DPH6: variants seen among roughly 807,000 people sequenced by gnomAD.
DPH6 encodes the protein diphthine--ammonia ligase.
In DPH6, 33 loss-of-function variants were observed where a neutral mutation model predicts 38.2. The ratio of observed to expected loss-of-function variants is 0.86; its 90% CI spans 0.65 to 1.15. The LOEUF is 1.15. DPH6 is among the 50% of genes most tolerant of loss of function. The pLI is 0.00. For synonymous variants in DPH6, 108 were observed against 103.0 expected (o/e 1.05, Z -0.30); for missense variants, 325 against 320.0 (o/e 1.02, Z -0.12).
chr15:35,232,264 T>C (rs938564487), intron 3 of DPH6, among the ~76,000 whole-genome samples: 4 of 152,154 alleles, frequency 2.6e-5, no homozygotes, highest in Non-Finnish European at 5.9e-5. Flanking sequence ...TCACTAATAA[T>C]TGACACAGAA....
At chr15:35,230,990 G>A (rs1315480675) in intron 3 of DPH6, among the ~76,000 whole-genome samples, 3 of 152,138 alleles carry the variant, frequency 2.0e-5, no homozygotes, top group African/African-American at 7.2e-5. Context: ...GGTGATGCCC[G>A]TACTCCCTTA....
the DPH6 span, among the ~76,000 whole-genome samples, chr15:35,152,556 A>AT: frequency 1.3e-5 from 2 of 152,014 alleles, no homozygotes; most frequent in Non-Finnish European, 2.9e-5. Flanking sequence ...CTGGAGTGCA[A>AT]TAGTGCGATC....
chr15:35,152,303 G>T, the DPH6 span, among the ~76,000 whole-genome samples: 1,853 of 152,092 alleles, frequency 0.012, 33 homozygotes, highest in African/African-American at 0.036. Context: ...TCTGTGCCTA[G>T]TATTAGTAAG....
chr15:35,364,838 C>T (rs1273303090), intron 3 of DPH6, among the ~76,000 whole-genome samples: 1 of 151,934 alleles, frequency 6.6e-6, no homozygotes, highest in East Asian at 1.9e-4. Flanking sequence ...CTCTTAGCTA[C>T]TATGCTTTTA....
chr15:35,244,535 T>C (rs2051622881), intron 3 of DPH6, among the ~76,000 whole-genome samples: 1 of 152,254 alleles, frequency 6.6e-6, no homozygotes, highest in Non-Finnish European at 1.5e-5. Flanking sequence ...CATTTATGCA[T>C]CCATTATCAC....
intron 1 of DPH6, among the ~76,000 whole-genome samples, chr15:35,543,850 T>C (rs1396818856): frequency 1.3e-5 from 2 of 152,186 alleles, no homozygotes; most frequent in Non-Finnish European, 2.9e-5. Context: ...TTCCCCAGGA[T>C]AAAAAGATAT....
chr15:35,380,639 T>C (rs894426149), intron 7 of DPH6, among the ~76,000 whole-genome samples: 2 of 152,240 alleles, frequency 1.3e-5, no homozygotes, highest in African/African-American at 4.8e-5. Context: ...AATGTTTTTC[T>C]TGAATAATAT....
At chr15:35,470,915 T>C (rs1183736878) in intron 3 of DPH6, among the ~76,000 whole-genome samples, 1 of 152,136 alleles carries the variant, frequency 6.6e-6, no homozygotes, top group Non-Finnish European at 1.5e-5. Context: ...TTAATTAGTA[T>C]AGGAGATGTA....
At chr15:35,333,297 C>T (rs950470509) in intron 3 of DPH6, among the ~76,000 whole-genome samples, 3 of 152,136 alleles carry the variant, frequency 2.0e-5, no homozygotes, top group African/African-American at 7.2e-5. Context: ...TACTTGGTAT[C>T]TTGCAATCAT....
At chr15:35,281,602 C>T (rs1033481994) in intron 3 of DPH6, among the ~76,000 whole-genome samples, 10 of 152,234 alleles carry the variant, frequency 6.6e-5, no homozygotes, top group Non-Finnish European at 1.5e-4. Flanking sequence ...ATCCATTATT[C>T]CATCCAAAAC....
intron 3 of DPH6, among the ~76,000 whole-genome samples, chr15:35,460,312 A>C (rs534979722): frequency 1.5e-3 from 232 of 152,352 alleles, no homozygotes; most frequent in African/African-American, 5.4e-3. Flanking sequence ...ATTCATATTA[A>C]ATTACATTCT....
chr15:35,385,011 G>GA, intron 6 of DPH6, among the ~76,000 whole-genome samples: 1 of 152,178 alleles, frequency 6.6e-6, no homozygotes, highest in African/African-American at 2.4e-5. Context: ...ACAAACATAT[G>GA]AAAAAAAGCT....
At chr15:35,148,663 C>T in the DPH6 span, among the ~76,000 whole-genome samples, 8 of 152,054 alleles carry the variant, frequency 5.3e-5, no homozygotes, top group African/African-American at 1.9e-4. Flanking sequence ...TCCATAGACC[C>T]GGAGGCATAT....
the DPH6 span, among the ~76,000 whole-genome samples, chr15:35,151,027 G>A: frequency 0.37 from 56,502 of 151,628 alleles, 10,769 homozygotes; most frequent in African/African-American, 0.46. Context: ...CCAACCCCGC[G>A]AAAACAAAAG....
At chr15:35,478,462 C>G (rs190937730) in intron 3 of DPH6, among the ~76,000 whole-genome samples, 615 of 151,618 alleles carry the variant, frequency 4.1e-3, no homozygotes, top group Non-Finnish European at 6.8e-3. Context: ...GCTATATTCT[C>G]AGTGAGGTTT....
rs1350651130 is a variant in DPH6, at chr15:35,388,034, TGA to T, written c.568-6120_568-6119del. Among the ~76,000 whole-genome samples the T allele has an allele frequency of 3.3e-5, 5 of 152,202 alleles. No individual in the cohort carries two copies. The East Asian group carries it at 5.8e-4, about 18-fold the overall frequency. On this transcript the variant is annotated intron_variant, in intron 6 of 8. Coordinates refer to ENST00000256538, the MANE Select transcript of DPH6 (RefSeq NM_080650.4). ...TATGTCCCATCAATATCTAATTTAT[TGA>T]GAGTTTTTAGCATGAAGGTTGTTGA...
chr15:35,477,344 G>C (rs2054275003), intron 3 of DPH6, among the ~76,000 whole-genome samples: 1 of 151,610 alleles, frequency 6.6e-6, no homozygotes, highest in South Asian at 2.1e-4. Context: ...ACTTGGAGTT[G>C]TTGCACTTTG....
intron 3 of DPH6, among the ~76,000 whole-genome samples, chr15:35,281,389 T>A (rs2051898177): frequency 6.6e-6 from 1 of 152,230 alleles, no homozygotes; most frequent in African/African-American, 2.4e-5. Context: ...CTGAAAACTT[T>A]AAAACATTGT....
chr15:35,305,845 T>G (rs928545468), intron 3 of DPH6, among the ~76,000 whole-genome samples: 15 of 152,202 alleles, frequency 9.9e-5, no homozygotes, highest in African/African-American at 3.6e-4. Flanking sequence ...GTCAAAAAGC[T>G]AAATCGAGTC....
Sources: allele counts gnomAD v4.1 joint callset (sites outside exome capture counted in the v4.1 genomes callset), GRCh38; gene constraint gnomAD v4.1.1; transcripts MANE v1.5; gene names NCBI Gene and HGNC (gene_info 2026-07-23, HGNC 2026-07-21).